Variants in SVIL observed in about 807,000 individuals in gnomAD.
SVIL encodes the protein archvillin.
Under a neutral mutation model 240.4 loss-of-function variants are expected in SVIL, and 101 were observed. That is an observed-to-expected ratio of 0.42 (90% CI 0.36 to 0.50). The LOEUF (loss-of-function observed/expected upper bound fraction) is 0.50. Among genes scored for constraint, SVIL ranks in the 20% least tolerant of loss-of-function variants. SVIL has a pLI of 0.01. For synonymous variants in SVIL, 999 were observed against 1,100.0 expected (o/e 0.91, Z 1.82); for missense variants, 2,512 against 2,818.7 (o/e 0.89, Z 2.46).
rs1957668533 is a variant in SVIL at position 29,622,058 on chromosome 10, G to A, written c.-201+12362C>T. Among the ~76,000 whole-genome samples, 8 of 151,380 alleles carry A rather than the reference G, an allele frequency of 5.3e-5. No homozygotes were observed. In the South Asian group the frequency reaches 1.5e-3, roughly 28 times the overall value. ...GAGGTCAGGAGATCGAGACCATCCT[G>A]GCTAACACGGTGAAACCCCGTCTCT... On this transcript the variant is annotated intron_variant, in intron 1 of 37. Coordinates refer to ENST00000355867, the MANE Select transcript of SVIL (RefSeq NM_021738.3).
intron 1 of SVIL, among the ~76,000 whole-genome samples, chr10:29,591,650 T>C (rs187700960): frequency 7.4e-4 from 113 of 152,320 alleles, no homozygotes; most frequent in African/African-American, 2.5e-3. Context: ...CTGCACCTTT[T>C]TAAAAAACTG....
chr10:29,495,289 G>T lies in SVIL; in HGVS notation c.3665-108C>A, dbSNP rs4991786. Reference sequence around the variant, plus strand: ...CCAGGGTAGACGGCACAACATATAAGAATTTACACACATGCAGGCACACAC... The same window carrying T: ...CCAGGGTAGACGGCACAACATATAATAATTTACACACATGCAGGCACACAC... On this transcript the variant is annotated intron_variant, in intron 18 of 37. Coordinates refer to ENST00000355867, the MANE Select transcript of SVIL (RefSeq NM_021738.3). 143,926 of 519,680 alleles carry T rather than the reference G, an allele frequency of 0.28. 20,929 individuals are homozygous for T. Among genetic ancestry groups the T allele is most frequent in the African/African-American group, 0.33 (12,218 of 36,934 alleles). The allele number at this position is 519,680 out of a possible 1,614,324, so 32.2% of individuals were successfully genotyped here.
chr10:29,508,500 G>T, intron 17 of SVIL: 1 of 827,632 alleles, frequency 1.2e-6, no homozygotes, highest in Non-Finnish European at 1.8e-6. Flanking sequence ...ACAGCAGCAT[G>T]CACGTGCTCA....
At chr10:29,496,379 A>G (rs1311505163) in intron 18 of SVIL, 1 of 455,712 alleles carries the variant, frequency 2.2e-6, no homozygotes, top group Admixed American at 2.4e-5. Context: ...CAGGGTGGGG[A>G]GGGAAATCTT....
intron 3 of SVIL, among the ~76,000 whole-genome samples, chr10:29,555,831 C>A (rs1264495288): frequency 1.3e-5 from 2 of 152,220 alleles, no homozygotes; most frequent in African/African-American, 4.8e-5. Context: ...CATGAACTCA[C>A]AGCCGCTTCT....
intron 6 of SVIL, among the ~76,000 whole-genome samples, chr10:29,538,016 A>C (rs758835687): frequency 6.6e-6 from 1 of 152,248 alleles, no homozygotes; most frequent in Non-Finnish European, 1.5e-5. Flanking sequence ...CATCGCCTGC[A>C]GCCAGGAACG....
chr10:29,514,745 C>T lies in SVIL; in HGVS notation c.3390-1884G>A, dbSNP rs568768300. On this transcript the variant is annotated intron_variant, in intron 16 of 37. Coordinates refer to ENST00000355867, the MANE Select transcript of SVIL (RefSeq NM_021738.3). Reference sequence around the variant, plus strand: ...ATTTGGCTACTCCCTTTGGGTATCTCGGTTCTCCCTCCTATATCTGTCACA... The same window carrying T: ...ATTTGGCTACTCCCTTTGGGTATCTTGGTTCTCCCTCCTATATCTGTCACA... 2.6e-5 allele frequency among the ~76,000 whole-genome samples: 4 copies of T among 152,244 alleles called. No individual in the cohort carries two copies. The South Asian group carries it at 8.3e-4, about 32-fold the overall frequency.
intron 6 of SVIL, 123 bp downstream of exon 6, chr10:29,550,474 A>G: frequency 1.8e-6 from 2 of 1,094,836 alleles, no homozygotes; most frequent in Middle Eastern, 3.1e-4. Flanking sequence ...ATATACTATG[A>G]TATTTCTCCA....
At chr10:29,704,408 T>C (rs1962747374) in intron 1 of SVIL, among the ~76,000 whole-genome samples, 1 of 152,116 alleles carries the variant, frequency 6.6e-6, no homozygotes, top group Non-Finnish European at 1.5e-5. Flanking sequence ...CAGAAATGAC[T>C]TTCTCATGCT....
intron 1 of SVIL, among the ~76,000 whole-genome samples, chr10:29,701,731 G>C (rs1457519852): frequency 6.6e-6 from 1 of 152,012 alleles, no homozygotes; most frequent in East Asian, 1.9e-4. Context: ...ATTGCAACTT[G>C]ACACTTGAAA....
At chr10:29,521,229 A>G (rs75711420) in intron 16 of SVIL, among the ~76,000 whole-genome samples, 98 of 109,798 alleles carry the variant, frequency 8.9e-4, no homozygotes, top group African/African-American at 3.2e-3. Context: ...TCTCAAAAAG[A>G]AAAAAAAAAA....
rs77641155 is a variant in SVIL at position 29,557,628 on chromosome 10, G to A, written c.-50-2520C>T. ...TTAAAAAAAGATTACAACAGTGCAT[G>A]GAAAAGCAAAGCAACATGTTGCTTC... On this transcript the variant is annotated intron_variant, in intron 3 of 37. Transcript: ENST00000355867. Among the ~76,000 whole-genome samples, 1,135 of 152,168 alleles carry A rather than the reference G, an allele frequency of 7.5e-3. 16 individuals are homozygous for A. The highest frequency in any genetic ancestry group is 0.026 in the African/African-American group (1,074 of 41,500).
chr10:29,482,221 CAG>C (rs1368113403), intron 27 of SVIL, among the ~76,000 whole-genome samples: 5 of 151,956 alleles, frequency 3.3e-5, no homozygotes, highest in East Asian at 3.9e-4. Flanking sequence ...AAATATGAGA[CAG>C]GGGTCTCGCT....
intron 13 of SVIL, among the ~76,000 whole-genome samples, chr10:29,525,472 G>A (rs1161674828): frequency 2.0e-5 from 3 of 152,198 alleles, no homozygotes; most frequent in African/African-American, 7.2e-5. Flanking sequence ...AAATTAGCCA[G>A]GCTTGGTGGT....
chr10:29,709,597 C>T (rs1963135376), intron 1 of SVIL, among the ~76,000 whole-genome samples: 1 of 152,184 alleles, frequency 6.6e-6, no homozygotes, highest in Non-Finnish European at 1.5e-5. Context: ...CGACTTTTCT[C>T]CTATGGGGTA....
At chr10:29,513,984 A>AAAAGATAAAAGATAAAAAGATAAAAGAT in intron 16 of SVIL, among the ~76,000 whole-genome samples, 1 of 45,086 alleles carries the variant, frequency 2.2e-5, no homozygotes, top group East Asian at 2.5e-4. Context: ...GATAAAAGGT[A>AAAAGATAAAAGATAAAAAGATAAAAGAT]AAAAAAAAAA....
At chr10:29,538,085 G>A (rs1951866498) in intron 6 of SVIL, among the ~76,000 whole-genome samples, 1 of 152,240 alleles carries the variant, frequency 6.6e-6, no homozygotes, top group Non-Finnish European at 1.5e-5. Context: ...GACGCCTGCT[G>A]TTGGAAATGA....
At chr10:29,613,359 G>A (rs1957320284) in intron 1 of SVIL, among the ~76,000 whole-genome samples, 1 of 151,998 alleles carries the variant, frequency 6.6e-6, no homozygotes, top group Admixed American at 6.6e-5. Flanking sequence ...TTAGAGTGGG[G>A]TGTTGCTCTG....
chr10:29,571,139 G>A (rs1470432026), intron 1 of SVIL, among the ~76,000 whole-genome samples: 1 of 152,176 alleles, frequency 6.6e-6, no homozygotes, highest in Non-Finnish European at 1.5e-5. Context: ...CACAGTGCAG[G>A]ACTAGAGCGA....
Sources: allele counts gnomAD v4.1 joint callset (sites outside exome capture counted in the v4.1 genomes callset), GRCh38; gene constraint gnomAD v4.1.1; transcripts MANE v1.5; gene names NCBI Gene and HGNC (gene_info 2026-07-23, HGNC 2026-07-21).